The following EEF1A2 variants were observed in gnomAD, a reference collection of about 807,000 sequenced individuals.
EEF1A2 encodes the protein elongation factor 1-alpha 2.
EEF1A2 carries 5 observed loss-of-function variants against 39.3 expected under a neutral mutation model. The observed-to-expected ratio is 0.13, with a 90% CI of 0.07 to 0.27. The LOEUF is 0.27. Among genes scored for constraint, EEF1A2 ranks in the 10% least tolerant of loss-of-function variants. The probability of loss-of-function intolerance (pLI) is 1.00; values close to 1 mark genes in which losing one functional copy is unlikely to be tolerated. For synonymous variants in EEF1A2, 287 were observed against 293.7 expected, an observed-to-expected ratio of 0.98 and a Z score of 0.23; for missense variants, 218 against 681.4, an observed-to-expected ratio of 0.32 and a Z score of 7.57.
chr20:63,488,415 G>T lies in EEF1A2; in HGVS notation c.1275C>A (p.Ala425=), dbSNP rs1290491559. 17 of 1,462,224 alleles carry T rather than the reference G, an allele frequency of 1.2e-5. No homozygotes were observed. The African/African-American group carries it at 1.5e-4, about 13-fold the overall frequency. 90.6% of individuals were successfully genotyped at this position (1,462,224 alleles called of 1,614,324 possible). A position where few individuals can be genotyped will look rare whatever the true frequency, so the allele number is the denominator to read the frequency against. The change falls in exon 8 of 8, where the codon GCC becomes GCA. Residue 425 remains alanine (A), a synonymous_variant. Coordinates refer to ENST00000217182, the MANE Select transcript of EEF1A2 (RefSeq NM_001958.5). ...FSQYPPLGRF[A]VRDMRQTVAV... ...CCACCGTCTGCCTCATGTCGCGCAC[G>T]GCGAAGCGGCCTGGGGGGCGGGGGG...
chr20:63,490,527 C>G lies in EEF1A2; in HGVS notation c.981G>C (p.Gly327=). Residue 327 remains glycine (G), a synonymous_variant, in exon 6 of 8, where the codon GGG becomes GGC. Coordinates refer to ENST00000217182, the MANE Select transcript of EEF1A2 (RefSeq NM_001958.5). Reference sequence around the variant, plus strand: ...CCTGCGGCGGGTCAGACTTGCTGTCCCCACACACGTTGCCCCGCCGGATGT... The same window carrying G: ...CCTGCGGCGGGTCAGACTTGCTGTCGCCACACACGTTGCCCCGCCGGATGT... ...VKDIRRGNVC[G]DSKSDPPQEA... is the part of the protein sequence containing the mutation. The G allele has an allele frequency of 6.2e-7, 1 of 1,612,696 alleles. No individual in the cohort carries two copies. Among genetic ancestry groups the G allele is most frequent in the Non-Finnish European group, 8.5e-7 (1 of 1,179,890 alleles).
chr20:63,499,017 A>ACGGGGG (rs1011949574), intron 1 of EEF1A2, 41 bp downstream of exon 1: 1 of 148,870 alleles, frequency 6.7e-6, no homozygotes, highest in Non-Finnish European at 1.5e-5. Context: ...TCTTCGGAAG[A>ACGGGGG]CGGGGGCGGG....
rs1013621250 is a variant in EEF1A2, at chr20:63,497,894, C to CAG, written c.-71-62_-71-61dup. 1.0e-5 allele frequency: 13 copies of CAG among 1,264,608 alleles called. No individual in the cohort carries two copies. In the African/African-American group the frequency reaches 1.8e-4, roughly 17 times the overall value. The allele number at this position is 1,264,608 out of a possible 1,614,324, so 78.3% of individuals were successfully genotyped here. ...GGGGAGCCCCAGGGGGAGACACCAG[C>CAG]AGAGACTGTCCTGGCACAGGCTGGA... On this transcript the variant is annotated intron_variant, in intron 1 of 7. Coordinates refer to ENST00000217182, the MANE Select transcript of EEF1A2 (RefSeq NM_001958.5). The surrounding 1 kb of genome is among the most constrained non-coding windows in gnomAD (Gnocchi z 7.3).
chr20:63,495,163 T>C (rs531372136), intron 3 of EEF1A2, 62 bp from the exon 4 acceptor site: 2 of 1,566,116 alleles, frequency 1.3e-6, no homozygotes, highest in Non-Finnish European at 1.7e-6. Context: ...AGAGCGAGCC[T>C]GGCCCCACCT....
At chr20:63,490,840 C>T in intron 5 of EEF1A2, 105 bp from the exon 6 acceptor site, 1 of 1,378,766 alleles carries the variant, frequency 7.3e-7, no homozygotes, top group Non-Finnish European at 9.8e-7. Context: ...GGACTGGATC[C>T]CCCCGACAGG....
rs888090030 is a variant in EEF1A2, at chr20:63,498,050, C to A, written c.-71-216G>T. The A allele has an allele frequency of 3.0e-6, 1 of 338,790 alleles. No individual in the cohort carries two copies. Among genetic ancestry groups the A allele is most frequent in the Non-Finnish European group, 5.4e-6 (1 of 185,496 alleles). The allele number at this position is 338,790 out of a possible 1,614,324, so 21.0% of individuals were successfully genotyped here. On this transcript the variant is annotated intron_variant, in intron 1 of 7. Transcript: ENST00000217182. The surrounding 1 kb of genome is among the most constrained non-coding windows in gnomAD (Gnocchi z 4.1). ...CACCCCACACTTGAGCCCAAACAGCCCCATCTGCTGTAAATAACTGGGCGT... is the reference window on the plus strand; with the variant it reads ...CACCCCACACTTGAGCCCAAACAGCACCATCTGCTGTAAATAACTGGGCGT...
intron 2 of EEF1A2, chr20:63,496,806 C>T (rs1298577439): frequency 6.6e-6 from 1 of 152,584 alleles, no homozygotes; most frequent in Non-Finnish European, 1.5e-5. Flanking sequence ...CTGAAACCCC[C>T]GCCTCCTCCT....
At chr20:63,491,995 TGGATGGATGAG>T (rs1211602883) in intron 5 of EEF1A2, among the ~76,000 whole-genome samples, 1 of 102,870 alleles carries the variant, frequency 9.7e-6, no homozygotes, top group African/African-American at 5.0e-5. Flanking sequence ...GATGGATGGA[TGGATGGATGAG>T]GAGATGAACG....
At chr20:63,491,253 G>A (rs73150420) in intron 5 of EEF1A2, among the ~76,000 whole-genome samples, 10,181 of 152,272 alleles carry the variant, frequency 0.067, 371 homozygotes, top group South Asian at 0.077. Flanking sequence ...CTTGGATGCT[G>A]CAGGTCTCTA....
rs1024947198 is a variant in EEF1A2 at position 63,497,906 on chromosome 20, T to C, written c.-71-72A>G. On this transcript the variant is annotated intron_variant, in intron 1 of 7. Transcript: ENST00000217182. The surrounding 1 kb of genome is among the most constrained non-coding windows in gnomAD (Gnocchi z 7.3). ...GGGGAGACACCAGCAGAGACTGTCCTGGCACAGGCTGGACAGGCATCCCTG... is the reference window on the plus strand; with the variant it reads ...GGGGAGACACCAGCAGAGACTGTCCCGGCACAGGCTGGACAGGCATCCCTG... The C allele has an allele frequency of 2.6e-6, 3 of 1,137,062 alleles. No homozygotes were observed. Among genetic ancestry groups the C allele is most frequent in the Non-Finnish European group, 3.7e-6 (3 of 815,932 alleles). The allele number at this position is 1,137,062 out of a possible 1,614,324, so 70.4% of individuals were successfully genotyped here. A position where few individuals can be genotyped will look rare whatever the true frequency, so the allele number is the denominator to read the frequency against.
rs1057523670 is a variant in EEF1A2, at chr20:63,493,276, G to A, written c.633C>T (p.Phe211=). 3 of 1,521,950 alleles carry A rather than the reference G, an allele frequency of 2.0e-6. No homozygotes were observed. Among genetic ancestry groups the A allele is most frequent in the Non-Finnish European group, 2.7e-6 (3 of 1,129,268 alleles). The allele number at this position is 1,521,950 out of a possible 1,614,324, so 94.3% of individuals were successfully genotyped here. The change falls in exon 5 of 8, where the codon TTC becomes TTT. Residue 211 remains phenylalanine (F), a synonymous_variant. Transcript: ENST00000217182. ...CCTTACGCTCCACCTTCCAGCCCTT[G>A]AACCACGGCATCTGGACCAAAGGGA... ...MLEPSPNMPW[F]KGWKVERKEG... is the part of the protein sequence containing the mutation.
intron 5 of EEF1A2, among the ~76,000 whole-genome samples, chr20:63,491,910 ATGGG>A (rs2082382896): frequency 8.8e-6 from 1 of 113,050 alleles, no homozygotes; most frequent in Non-Finnish European, 1.8e-5. Flanking sequence ...GGATGGATGG[ATGGG>A]GGGATAGATG....
In EEF1A2 at chr20:63,488,313, C is replaced by G; in HGVS notation, c.1377G>C (p.Gln459His). The G allele has an allele frequency of 7.1e-7, 1 of 1,417,894 alleles. No individual in the cohort carries two copies. Among genetic ancestry groups the G allele is most frequent in the Non-Finnish European group, 9.3e-7 (1 of 1,081,062 alleles). 87.8% of individuals were successfully genotyped at this position (1,417,894 alleles called of 1,614,324 possible). Residue 459 changes from glutamine to histidine, a missense_variant, in exon 8 of 8, where the codon CAG becomes CAC. Around this residue, in one of 4 missense-constraint regions of EEF1A2, gnomAD observed 31 missense variants for 57.0 expected, o/e 0.54. Coordinates refer to ENST00000217182, the MANE Select transcript of EEF1A2 (RefSeq NM_001958.5). Reference protein sequence around the residue: ...GKVTKSAQKAQKAGK With the variant: ...GKVTKSAQKAHKAGK ...CGCCCGCGCTTCACTTGCCCGCCTT[C>G]TGCGCCTTCTGCGCCGACTTGGTGA... is the stretch of plus-strand genomic sequence containing the variant.
intron 6 of EEF1A2, chr20:63,490,278 G>C (rs1368373308): frequency 3.2e-6 from 2 of 629,862 alleles, no homozygotes; most frequent in African/African-American, 3.7e-5. Flanking sequence ...TGTTGACCAG[G>C]ATGGACTTGA....
chr20:63,493,645 T>G (rs910166666), intron 4 of EEF1A2, among the ~76,000 whole-genome samples: 2 of 152,160 alleles, frequency 1.3e-5, no homozygotes, highest in African/African-American at 4.8e-5. Flanking sequence ...ACTAGGAGGA[T>G]GCTGAGTCTG....
rs1568994145 is a variant in EEF1A2, at chr20:63,488,240, GGC to G, written c.*56_*57del. ...GGGGCGGGGGCGGGGCGGGGGCCCG[GGC>G]CCGGGGTTCGGAGCGCGGCACCGCC... On this transcript the variant is annotated 3_prime_UTR_variant, in exon 8 of 8. Coordinates refer to ENST00000217182, the MANE Select transcript of EEF1A2 (RefSeq NM_001958.5). 1 of 819,306 alleles carries G rather than the reference GGC, an allele frequency of 1.2e-6. No individual in the cohort carries two copies. The allele number at this position is 819,306 out of a possible 1,614,324, so 50.8% of individuals were successfully genotyped here.
chr20:63,497,000 A>G (rs1056633769), intron 2 of EEF1A2: 1 of 152,250 alleles, frequency 6.6e-6, no homozygotes, highest in African/African-American at 2.4e-5. Context: ...TTCTCCCCAG[A>G]GTCCTGGGTG....
At position 63,488,677 on chromosome 20, in the gene EEF1A2, C is replaced by G. The variant is rs140182792; in HGVS notation, c.1264+241G>C. The stretch of plus-strand genomic sequence containing the variant: ...TGGGCGACCGCGGGCCTTCCTCACT[C>G]GCGGGGCCTCCCTCACTTTCGGGGC... On this transcript the variant is annotated intron_variant, in intron 7 of 7. Transcript: ENST00000217182. Among the ~76,000 whole-genome samples, 751 of 152,338 alleles carry G rather than the reference C, an allele frequency of 4.9e-3. 7 individuals are homozygous for G. The highest frequency in any genetic ancestry group is 0.017 in the African/African-American group (713 of 41,584).
chr20:63,491,147 C>G (rs565190769), intron 5 of EEF1A2, among the ~76,000 whole-genome samples: 1 of 151,536 alleles, frequency 6.6e-6, no homozygotes, highest in African/African-American at 2.4e-5. Context: ...TGAGTGTGGG[C>G]GGGGCGACTG....
Sources: gnomAD v4.1 joint callset for allele counts (sites outside exome capture counted in the v4.1 genomes callset) on GRCh38, gnomAD v4.1.1 for gene constraint, gnomAD v4.1.1 regional missense constraint, Gnocchi (gnomAD v3.1) non-coding constraint, MANE v1.5 for transcripts, NCBI Gene and HGNC (gene_info 2026-07-23, HGNC 2026-07-21) for gene names.